COG6: variants seen among roughly 807,000 people sequenced by gnomAD.
The protein encoded by COG6 is conserved oligomeric Golgi complex subunit 6.
Under a neutral mutation model 88.8 loss-of-function variants are expected in COG6, and 74 were observed. The observed-to-expected ratio is 0.83, with a 90% confidence interval of 0.69 to 1.01. COG6 has a LOEUF of 1.01. Ranked by LOEUF, COG6 falls within the 50% of genes least tolerant of loss-of-function variation. The pLI is 0.00. For missense variants in COG6, 800 were observed against 797.9 expected (o/e 1.00, Z -0.03); for synonymous variants, 286 against 278.7 (o/e 1.03, Z -0.26).
exon 19 of COG6, chr13:39,790,785 G>A (rs1881916823): frequency 6.6e-6 from 1 of 151,806 alleles, no homozygotes; most frequent in African/African-American, 2.4e-5. Flanking sequence ...TAATTTTAAC[G>A]TTTTTATATT....
chr13:39,746,365 A>T (rs35214722), intron 18 of COG6, among the ~76,000 whole-genome samples: 73 of 152,294 alleles, frequency 4.8e-4, no homozygotes, highest in Non-Finnish European at 8.1e-4. Flanking sequence ...TGATTGATCA[A>T]AATAGTAAGT....
chr13:39,719,993 C>G (rs1878764231), intron 15 of COG6, among the ~76,000 whole-genome samples, 166 bp downstream of exon 15: 1 of 57,850 alleles, frequency 1.7e-5, no homozygotes, highest in South Asian at 8.8e-4. Context: ...CGCACATACA[C>G]AACACACACA....
intron 18 of COG6, among the ~76,000 whole-genome samples, chr13:39,738,140 T>A (rs1879861684): frequency 6.6e-6 from 1 of 152,122 alleles, no homozygotes; most frequent in South Asian, 2.1e-4. Context: ...CTCACCTAAT[T>A]TTTGGTTCTT....
intron 8 of COG6, 151 bp downstream of exon 8, chr13:39,682,415 T>G: frequency 1.6e-6 from 1 of 610,420 alleles, no homozygotes; most frequent in Non-Finnish European, 2.9e-6. Flanking sequence ...TGAATTTGTT[T>G]CATGGGGTAT....
At chr13:39,726,550 A>T (rs1191062803) in intron 17 of COG6, among the ~76,000 whole-genome samples, 1 of 151,918 alleles carries the variant, frequency 6.6e-6, no homozygotes, top group Non-Finnish European at 1.5e-5. Context: ...TGCAGTAGGT[A>T]CCTAAGGTAC....
chr13:39,677,520 C>T lies in COG6; in HGVS notation c.481C>T (p.Gln161Ter). 6.2e-7 allele frequency: 1 copy of T among 1,613,480 alleles called. No homozygotes were observed. Residue 161 changes from glutamine (Q) to a stop codon, truncating the protein, a stop_gained, in exon 5 of 19, where the codon CAA becomes TAA. Coordinates refer to ENST00000455146, the MANE Select transcript of COG6 (RefSeq NM_020751.3). LOFTEE classifies it high-confidence loss of function. ...QVADAFLSKF[Q>*]LTSDEMSLLR... ...TGCAGATGCCTTCTTATCCAAGTTC[C>T]AACTGACTTCTGATGAAATGAGTCT...
At chr13:39,694,507 G>C (rs1362326534) in intron 11 of COG6, 127 bp from the exon 12 acceptor site, 2 of 580,014 alleles carry the variant, frequency 3.4e-6, no homozygotes, top group African/African-American at 1.9e-5. Flanking sequence ...AAATTATTTA[G>C]GAGGCATTTT....
intron 18 of COG6, among the ~76,000 whole-genome samples, chr13:39,749,624 G>A (rs1364609630): frequency 1.3e-5 from 2 of 152,156 alleles, no homozygotes; most frequent in African/African-American, 4.8e-5. Context: ...CTAAAGATCA[G>A]ACAAGACTTC....
chr13:39,782,732 G>A (rs763085807), intron 18 of COG6, among the ~76,000 whole-genome samples: 11 of 152,176 alleles, frequency 7.2e-5, no homozygotes, highest in Non-Finnish European at 1.5e-4. Flanking sequence ...CACAACAGGG[G>A]CTAGCAATGG....
intron 13 of COG6, among the ~76,000 whole-genome samples, chr13:39,717,064 C>T (rs1878565210): frequency 6.6e-6 from 1 of 152,022 alleles, no homozygotes; most frequent in Non-Finnish European, 1.5e-5. Flanking sequence ...TCTTAATTTC[C>T]CCCTTACTCT....
At position 39,719,783 on chromosome 13, in the gene COG6, C is replaced by T. The variant is rs151176637; in HGVS notation, c.1540C>T (p.Leu514=). ...ATATATGATGAAGACAACATTAGCT[C>T]TATTTGAATTCACTGACAGACGTCT... is the stretch of plus-strand genomic sequence containing the variant. ...SLYMMKTTLA[L]FEFTDRRLEM... is the part of the protein sequence containing the mutation. Residue 514 remains leucine, a synonymous_variant, in exon 15 of 19, where the codon CTA becomes TTA. Coordinates refer to ENST00000455146, the MANE Select transcript of COG6 (RefSeq NM_020751.3). The T allele has an allele frequency of 1.2e-6, 2 of 1,612,674 alleles. No homozygotes were observed. The highest frequency in any genetic ancestry group is 1.3e-5 in the African/African-American group (1 of 74,938).
intron 17 of COG6, among the ~76,000 whole-genome samples, chr13:39,724,801 T>A (rs1879046401): frequency 6.6e-6 from 1 of 151,968 alleles, no homozygotes; most frequent in African/African-American, 2.4e-5. Flanking sequence ...TGTTTAGGAT[T>A]ACTGTTTACT....
chr13:39,684,242 G>GTTTTTTTTTTTTT (rs1593423136), intron 8 of COG6, among the ~76,000 whole-genome samples: 1 of 44,772 alleles, frequency 2.2e-5, no homozygotes, highest in Non-Finnish European at 4.3e-5. Flanking sequence ...CAATTTGGAA[G>GTTTTTTTTTTTTT]ATTTTTTTTT....
chr13:39,780,044 A>G (rs1881582576), intron 18 of COG6, among the ~76,000 whole-genome samples: 1 of 152,242 alleles, frequency 6.6e-6, no homozygotes, highest in South Asian at 2.1e-4. Flanking sequence ...AATAATTGCT[A>G]TCTGCTCCAG....
chr13:39,767,065 G>T (rs531524880), intron 18 of COG6, among the ~76,000 whole-genome samples: 14 of 152,194 alleles, frequency 9.2e-5, no homozygotes, highest in Admixed American at 9.2e-4. Flanking sequence ...GTTAGGGCTG[G>T]GGTATGGAAC....
chr13:39,702,427 T>C (rs1173169309), intron 13 of COG6, among the ~76,000 whole-genome samples: 1 of 152,014 alleles, frequency 6.6e-6, no homozygotes, highest in Non-Finnish European at 1.5e-5. Context: ...AAACCAAGAA[T>C]GGTTTATTAC....
exon 19 of COG6, chr13:39,791,252 T>C (rs1245555365): frequency 2.0e-5 from 3 of 152,100 alleles, no homozygotes; most frequent in Non-Finnish European, 4.4e-5. Flanking sequence ...GTATTTAAGA[T>C]TTTAAAAATC....
chr13:39,659,873 G>A (rs1874787380), intron 2 of COG6, among the ~76,000 whole-genome samples: 1 of 152,006 alleles, frequency 6.6e-6, no homozygotes, highest in South Asian at 2.1e-4. Flanking sequence ...AATTAGAATT[G>A]AGTTACTTTT....
intron 4 of COG6, among the ~76,000 whole-genome samples, chr13:39,668,848 G>A (rs2137964288): frequency 6.6e-6 from 1 of 151,844 alleles, no homozygotes; most frequent in South Asian, 2.1e-4. Flanking sequence ...CCTTTACCTT[G>A]TTTCTGCCAA....
Sources: allele counts gnomAD v4.1 joint callset (sites outside exome capture counted in the v4.1 genomes callset), GRCh38; gene constraint gnomAD v4.1.1; transcripts MANE v1.5; gene names NCBI Gene and HGNC (gene_info 2026-07-23, HGNC 2026-07-21).